The following MSH3 variants were observed in gnomAD, a reference collection of about 807,000 sequenced individuals.
MSH3 encodes DNA mismatch repair protein Msh3.
In MSH3, 106 loss-of-function variants were observed where a neutral mutation model predicts 123.3. The observed-to-expected ratio is 0.86, with a 90% CI of 0.73 to 1.01. The LOEUF (loss-of-function observed/expected upper bound fraction) is 1.01. Among genes scored for constraint, MSH3 ranks in the 50% least tolerant of loss-of-function variants. MSH3 has a pLI of 0.00. For missense variants in MSH3, 1,459 were observed against 1,347.6 expected (o/e 1.08, Z -1.29); for synonymous variants, 515 against 481.4 (o/e 1.07, Z -0.91).
At chr5:80,844,740 T>C (rs1202744510) in intron 20 of MSH3, among the ~76,000 whole-genome samples, 1 of 152,166 alleles carries the variant, frequency 6.6e-6, no homozygotes, top group Non-Finnish European at 1.5e-5. Context: ...TTTTTTTGCT[T>C]TCCATTTGTT....
intron 19 of MSH3, among the ~76,000 whole-genome samples, chr5:80,802,851 C>A (rs1580058857): frequency 6.6e-6 from 1 of 152,122 alleles, no homozygotes; most frequent in African/African-American, 2.4e-5. Flanking sequence ...TGGCTTATTT[C>A]ACTTAACATA....
In MSH3 at chr5:80,654,949, G is replaced by C. The variant is rs1279149249; in HGVS notation, c.222G>C (p.Gln74His). ...PAPPAPAFPP[Q>H]LPPHIATEID... Reference sequence around the variant, plus strand: ...CCCCAGCTCCCGCCTTCCCGCCCCAGCTGCCGCCGCACATAGTAGGTTCTG... The same window carrying C: ...CCCCAGCTCCCGCCTTCCCGCCCCACCTGCCGCCGCACATAGTAGGTTCTG... Residue 74 changes from glutamine (Q) to histidine (H), a missense_variant, in exon 1 of 24, where the codon CAG becomes CAC. Gln to His is a conservative substitution (Grantham distance 24). Coordinates refer to ENST00000265081, the MANE Select transcript of MSH3 (RefSeq NM_002439.5). 2 of 1,478,458 alleles carry C rather than the reference G, an allele frequency of 1.4e-6. No individual in the cohort carries two copies. The highest frequency in any genetic ancestry group is 1.8e-6 in the Non-Finnish European group (2 of 1,114,722). 91.6% of individuals were successfully genotyped at this position (1,478,458 alleles called of 1,614,324 possible).
chr5:80,854,902 C>T (rs1242866707), intron 21 of MSH3, among the ~76,000 whole-genome samples: 1 of 152,142 alleles, frequency 6.6e-6, no homozygotes, highest in Non-Finnish European at 1.5e-5. Context: ...CAGCCAAATT[C>T]CTCGAGGGAA....
intron 22 of MSH3, among the ~76,000 whole-genome samples, chr5:80,872,432 G>A (rs977351565): frequency 6.6e-6 from 1 of 152,140 alleles, no homozygotes; most frequent in Non-Finnish European, 1.5e-5. Context: ...TTGCGCCACT[G>A]CACTCCAGCA....
chr5:80,683,624 T>G (rs72765574), intron 8 of MSH3, among the ~76,000 whole-genome samples: 13,819 of 152,228 alleles, frequency 0.091, 665 homozygotes, highest in African/African-American at 0.1. Flanking sequence ...ATGGGTGGTC[T>G]ACATACATTT....
chr5:80,759,070 G>C (rs567707167), intron 12 of MSH3, among the ~76,000 whole-genome samples: 39 of 152,280 alleles, frequency 2.6e-4, no homozygotes, highest in Non-Finnish European at 5.3e-4. Context: ...ATTTTTTCCA[G>C]CTCATCTTGA....
chr5:80,728,039 G>A, intron 9 of MSH3, among the ~76,000 whole-genome samples: 1 of 152,148 alleles, frequency 6.6e-6, no homozygotes, highest in East Asian at 1.9e-4. Flanking sequence ...CTGTGTGCTG[G>A]AACAGAGTAA....
intron 8 of MSH3, among the ~76,000 whole-genome samples, chr5:80,698,719 G>A (rs1201655769): frequency 6.6e-6 from 1 of 151,522 alleles, no homozygotes; most frequent in African/African-American, 2.4e-5. Context: ...ACCAAACACC[G>A]CATGTTCTCA....
rs139656015 is a variant in MSH3, at chr5:80,799,661, A to T, written c.2655+6817A>T. Among the ~76,000 whole-genome samples the T allele has an allele frequency of 3.6e-4, 55 of 152,094 alleles. No individual in the cohort carries two copies. In the Middle Eastern group the frequency reaches 0.01, roughly 28 times the overall value. On this transcript the variant is annotated intron_variant, in intron 19 of 23. Coordinates refer to ENST00000265081, the MANE Select transcript of MSH3 (RefSeq NM_002439.5). ...ATTATTCTAGTGTACTCAATGATGA[A>T]CACATGGAGTGAAAGCATGTCTTCT...
At chr5:80,677,152 A>G (rs1185396470) in intron 7 of MSH3, among the ~76,000 whole-genome samples, 1 of 152,124 alleles carries the variant, frequency 6.6e-6, no homozygotes, top group Non-Finnish European at 1.5e-5. Context: ...TTTACCCTCG[A>G]CACTGTTTTC....
At chr5:80,727,648 G>A (rs1031704198) in intron 9 of MSH3, among the ~76,000 whole-genome samples, 3 of 152,028 alleles carry the variant, frequency 2.0e-5, no homozygotes, top group African/African-American at 7.2e-5. Context: ...GGATTTATTC[G>A]TTCAGCTAAT....
rs772361271 is a variant in MSH3 at position 80,875,784 on chromosome 5, G to A, written c.3336G>A (p.Thr1112=). The change falls in exon 24 of 24, where the codon ACG becomes ACA. Residue 1112 remains threonine, a synonymous_variant. Coordinates refer to ENST00000265081, the MANE Select transcript of MSH3 (RefSeq NM_002439.5). ...KRLKYFAKLW[T]MHNAQDLQKW... is the part of the protein sequence containing the mutation. ...TCAAGTATTTTGCAAAGTTATGGAC[G>A]ATGCATAATGCACAAGACCTGCAGA... is the stretch of plus-strand genomic sequence containing the variant. The A allele has an allele frequency of 3.1e-6, 5 of 1,613,618 alleles. No homozygotes were observed. In the South Asian group the frequency reaches 5.5e-5, roughly 18 times the overall value.
At chr5:80,800,657 T>C (rs1744775513) in intron 19 of MSH3, among the ~76,000 whole-genome samples, 1 of 152,194 alleles carries the variant, frequency 6.6e-6, no homozygotes, top group African/African-American at 2.4e-5. Flanking sequence ...CAAATGATTG[T>C]TTTTGAAATG....
chr5:80,774,039 A>T (rs1309598244), intron 15 of MSH3, among the ~76,000 whole-genome samples: 1 of 152,178 alleles, frequency 6.6e-6, no homozygotes, highest in Non-Finnish European at 1.5e-5. Flanking sequence ...AAGTGCTGGG[A>T]TTACAGGTGT....
In MSH3 at chr5:80,775,714, C is replaced by A; in HGVS notation, c.2274C>A (p.Asn758Lys). Reference protein sequence around the residue: ...SGQEFMIEIKNSAVSCIPTDW... With the variant: ...SGQEFMIEIKKSAVSCIPTDW... The stretch of plus-strand genomic sequence containing the variant: ...TTTAGTTTATGATAGAAATAAAGAA[C>A]TCTGCTGTATCTTGTATACCAACTG... Residue 758 changes from asparagine (N) to lysine (K), a missense_variant, in exon 16 of 24, where the codon AAC becomes AAA. Transcript: ENST00000265081. The A allele has an allele frequency of 6.3e-7, 1 of 1,581,400 alleles. No homozygotes were observed. The highest frequency in any genetic ancestry group is 8.7e-7 in the Non-Finnish European group (1 of 1,150,796).
intron 15 of MSH3, among the ~76,000 whole-genome samples, chr5:80,771,523 G>A (rs1172564528): frequency 6.6e-6 from 1 of 151,640 alleles, no homozygotes; most frequent in African/African-American, 2.4e-5. Context: ...TTATTTAGAG[G>A]TACTTAAAGG....
chr5:80,813,845 C>T, intron 20 of MSH3, 104 bp downstream of exon 20: 1 of 1,260,510 alleles, frequency 7.9e-7, no homozygotes, highest in East Asian at 2.3e-5. Context: ...TCTTAAAGCA[C>T]TCAACATTTA....
At chr5:80,790,811 A>G (rs1044064676) in intron 18 of MSH3, among the ~76,000 whole-genome samples, 3 of 152,216 alleles carry the variant, frequency 2.0e-5, no homozygotes, top group Admixed American at 1.3e-4. Flanking sequence ...AAGGCCTTTC[A>G]TAATTATTAG....
intron 3 of MSH3, among the ~76,000 whole-genome samples, chr5:80,668,649 C>T (rs764314261): frequency 2.0e-5 from 3 of 152,184 alleles, no homozygotes; most frequent in Non-Finnish European, 4.4e-5. Flanking sequence ...GCCAGGCAGT[C>T]GGAGCAGGTA....
Sources: allele counts gnomAD v4.1 joint callset (sites outside exome capture counted in the v4.1 genomes callset), GRCh38; gene constraint gnomAD v4.1.1; transcripts MANE v1.5; gene names NCBI Gene and HGNC (gene_info 2026-07-23, HGNC 2026-07-21).